PPP2R3A: variants seen among roughly 807,000 people sequenced by gnomAD.
PPP2R3A encodes protein phosphatase 2 regulatory subunit B''alpha.
A neutral mutation model predicts 106.9 loss-of-function variants in PPP2R3A; 80 were observed. The observed-to-expected ratio is 0.75, with a 90% confidence interval of 0.62 to 0.90. The LOEUF is 0.90. Among genes scored for constraint, PPP2R3A ranks in the 40% least tolerant of loss-of-function variants. The probability of loss-of-function intolerance (pLI) is 0.00; values close to 1 mark genes in which losing one functional copy is unlikely to be tolerated. For synonymous variants in PPP2R3A, 483 were observed against 468.3 expected (o/e 1.03, Z -0.41); for missense variants, 1,386 against 1,350.4 (o/e 1.03, Z -0.41).
chr3:136,132,688 G>A (rs377109768), intron 13 of PPP2R3A, among the ~76,000 whole-genome samples: 4 of 151,764 alleles, frequency 2.6e-5, no homozygotes, highest in South Asian at 2.1e-4. Context: ...TCCCCAAATC[G>A]ATGTACGGAT....
rs1338772602 is a variant in PPP2R3A, at chr3:136,136,064, A to T, written c.3330-8979A>T. On this transcript the variant is annotated intron_variant, in intron 13 of 13. Coordinates refer to ENST00000264977, the MANE Select transcript of PPP2R3A (RefSeq NM_002718.5). ...CCGTCTCAAAAAAAAAAAAAAAAAA[A>T]AAAAAAAAATTATATATATATATAT... is the stretch of plus-strand genomic sequence containing the variant. 2.6e-4 allele frequency among the ~76,000 whole-genome samples: 25 copies of T among 94,372 alleles called. 1 individual carries two copies. Among genetic ancestry groups the T allele is most frequent in the East Asian group, 1.4e-3 (5 of 3,544 alleles). The allele number at this position is 94,372 out of a possible 152,430, so 61.9% of individuals were successfully genotyped here. A position where few individuals can be genotyped will look rare whatever the true frequency, so the allele number is the denominator to read the frequency against.
chr3:136,114,145 A>G (rs561767924), intron 13 of PPP2R3A, among the ~76,000 whole-genome samples: 2 of 152,216 alleles, frequency 1.3e-5, no homozygotes, highest in African/African-American at 4.8e-5. Context: ...GCATCGCCTC[A>G]CCCAGGAAGC....
At position 136,061,178 on chromosome 3, in the gene PPP2R3A, G is replaced by A. The variant is rs141717580; in HGVS notation, c.2470-9300G>A. The stretch of plus-strand genomic sequence containing the variant: ...TATCTTTCAGAGAGAAAGAGAGAGA[G>A]AAAAAGAAGATGGATATAGAGGACC... On this transcript the variant is annotated intron_variant, in intron 5 of 13. Transcript: ENST00000264977. 5.2e-3 allele frequency among the ~76,000 whole-genome samples: 796 copies of A among 152,206 alleles called. 9 individuals carry two copies. The highest frequency in any genetic ancestry group is 0.018 in the African/African-American group (752 of 41,510).
chr3:136,087,823 A>G, intron 8 of PPP2R3A, 60 bp from the exon 9 acceptor site: 3 of 1,365,586 alleles, frequency 2.2e-6, no homozygotes, highest in South Asian at 1.2e-5. Flanking sequence ...TGTGAAAAGT[A>G]TTGCCTTTAT....
intron 13 of PPP2R3A, among the ~76,000 whole-genome samples, chr3:136,119,049 G>A (rs200749681): frequency 3.3e-5 from 5 of 151,996 alleles, no homozygotes; most frequent in African/African-American, 1.2e-4. Flanking sequence ...CAGAACAGAG[G>A]CCTCAGAAAT....
At chr3:136,073,030 C>G (rs1410014910) in intron 6 of PPP2R3A, among the ~76,000 whole-genome samples, 1 of 152,124 alleles carries the variant, frequency 6.6e-6, no homozygotes, top group South Asian at 2.1e-4. Context: ...TGCAGTGGCA[C>G]GGTCTCGGCT....
chr3:136,016,330 T>G (rs116562493), intron 2 of PPP2R3A, among the ~76,000 whole-genome samples: 1 of 152,140 alleles, frequency 6.6e-6, no homozygotes, highest in Non-Finnish European at 1.5e-5. Flanking sequence ...ATCCATTTAG[T>G]CCATTTGTTC....
intron 13 of PPP2R3A, among the ~76,000 whole-genome samples, chr3:136,143,593 C>G (rs1938967067): frequency 6.6e-6 from 1 of 152,010 alleles, no homozygotes; most frequent in African/African-American, 2.4e-5. Flanking sequence ...AGTTCAAGAC[C>G]AGTCTGGCAA....
chr3:136,022,822 G>T, intron 2 of PPP2R3A: 1 of 1,264,654 alleles, frequency 7.9e-7, no homozygotes, highest in Non-Finnish European at 1.0e-6. Context: ...ACTGCAGGCT[G>T]TGTTTATAAC....
rs796493122 is a variant in PPP2R3A, at chr3:136,039,390, T to C, written c.2263-1469T>C. Among the ~76,000 whole-genome samples the C allele has an allele frequency of 9.1e-4, 139 of 152,294 alleles. 1 individual carries two copies. The highest frequency in any genetic ancestry group is 3.3e-3 in the African/African-American group (139 of 41,566). On this transcript the variant is annotated intron_variant, in intron 3 of 13. Transcript: ENST00000264977. ...ACTATTTCTTTGCTAATAGTAACGA[T>C]TGTATTATTACTTACAGCAGCGGTC...
chr3:136,001,636 G>T lies in PPP2R3A; in HGVS notation c.138G>T (p.Val46=), dbSNP rs191265461. The change falls in exon 2 of 14, where the codon GTG becomes GTT. Residue 46 remains valine (V), a synonymous_variant. Transcript: ENST00000264977. The part of the protein sequence containing the change: ...HTFTHGIDCI[V]VHHSVCADLL... ...TCACACATGGAATTGACTGCATTGT[G>T]GTACACCATAGTGTTTGTGCAGACC... 6.4e-5 allele frequency: 104 copies of T among 1,614,130 alleles called. 1 individual carries two copies. In the African/African-American group the frequency reaches 1.0e-3, roughly 16 times the overall value.
intron 5 of PPP2R3A, among the ~76,000 whole-genome samples, chr3:136,057,140 A>T (rs1935896360): frequency 6.6e-6 from 1 of 152,126 alleles, no homozygotes; most frequent in Non-Finnish European, 1.5e-5. Flanking sequence ...TGGAGGCATC[A>T]TGCTACTCAA....
Position 136,082,353 on chromosome 3 carries a change from T to C in PPP2R3A, c.2720T>C (p.Phe907Ser). ...CATTTCTATGTTATTTATTGTAAAT[T>C]CTGGGAACTAGATACTGATCACGAC... ...YEHFYVIYCK[F>S]WELDTDHDLY... Residue 907 changes from phenylalanine (F) to serine (S), a missense_variant, in exon 8 of 14, where the codon TTC (phenylalanine) becomes TCC (serine). Transcript: ENST00000264977. 1 of 1,612,348 alleles carries C rather than the reference T, an allele frequency of 6.2e-7. No individual in the cohort carries two copies. The highest frequency in any genetic ancestry group is 8.5e-7 in the Non-Finnish European group (1 of 1,178,384).
At chr3:135,984,325 A>G (rs1937577516) in intron 1 of PPP2R3A, among the ~76,000 whole-genome samples, 1 of 152,226 alleles carries the variant, frequency 6.6e-6, no homozygotes. Context: ...CTTTCTGAGT[A>G]TGTAACATGC....
chr3:136,119,438 G>A (rs1417072368), intron 13 of PPP2R3A, among the ~76,000 whole-genome samples: 1 of 152,174 alleles, frequency 6.6e-6, no homozygotes, highest in Non-Finnish European at 1.5e-5. Context: ...GCAACCTACA[G>A]AATGGGAGAA....
At chr3:136,143,492 A>G (rs1938963369) in intron 13 of PPP2R3A, among the ~76,000 whole-genome samples, 1 of 151,578 alleles carries the variant, frequency 6.6e-6, no homozygotes, top group Non-Finnish European at 1.5e-5. Context: ...CTCCATCTCA[A>G]AAACAAAAAG....
intron 4 of PPP2R3A, among the ~76,000 whole-genome samples, chr3:136,041,238 G>GTTTTTTTTTTTTTTTTTTTTTTTTTTT (rs67116006): frequency 3.2e-5 from 3 of 92,932 alleles, no homozygotes; most frequent in East Asian, 2.5e-4. Context: ...GGTTTTTCTT[G>GTTTTTTTTTTTTTTTTTTTTTTTTTTT]TTTTTTTTTT....
At chr3:136,008,856 A>G (rs766748968) in intron 2 of PPP2R3A, among the ~76,000 whole-genome samples, 8 of 151,880 alleles carry the variant, frequency 5.3e-5, no homozygotes, top group South Asian at 2.1e-4. Flanking sequence ...TCCAACCCTC[A>G]CAGCTTCACC....
intron 2 of PPP2R3A, among the ~76,000 whole-genome samples, chr3:136,013,157 GGTGTGT>G (rs773969022): frequency 2.1e-5 from 3 of 139,708 alleles, no homozygotes; most frequent in Non-Finnish European, 4.6e-5. Flanking sequence ...AGTATTCCAT[GGTGTGT>G]GTGTGTGTGT....
Sources: allele counts gnomAD v4.1 joint callset (sites outside exome capture counted in the v4.1 genomes callset), GRCh38; gene constraint gnomAD v4.1.1; transcripts MANE v1.5; gene names NCBI Gene and HGNC (gene_info 2026-07-23, HGNC 2026-07-21).